The following RPL19 variants were observed in gnomAD, a reference collection of about 807,000 sequenced individuals.
RPL19 encodes ribosomal protein L19, also known as large ribosomal subunit protein eL19.
RPL19 carries 2 observed loss-of-function variants against 25.1 expected under a neutral mutation model. The observed-to-expected ratio is 0.08, with a 90% confidence interval of 0.03 to 0.25. The LOEUF (loss-of-function observed/expected upper bound fraction) is 0.25, where lower values mean the gene tolerates loss of function less well. Ranked by LOEUF, RPL19 falls within the 10% of genes least tolerant of loss-of-function variation. The pLI is 1.00. For missense variants in RPL19, 123 were observed against 271.8 expected (o/e 0.45, Z 3.85); for synonymous variants, 89 against 91.2 (o/e 0.98, Z 0.14).
chr17:39,202,546 C>T (rs1019665663), intron 3 of RPL19, 107 bp downstream of exon 3: 6 of 1,383,946 alleles, frequency 4.3e-6, no homozygotes, highest in African/African-American at 1.4e-5. Flanking sequence ...TTTCTTACTC[C>T]TTGATATTTG....
At chr17:39,201,144 C>A in intron 1 of RPL19, 69 bp from the exon 2 acceptor site, 1 of 1,029,668 alleles carries the variant, frequency 9.7e-7, no homozygotes, top group South Asian at 1.3e-5. Flanking sequence ...AAGGGCAGGT[C>A]TTGATGGGGA....
intron 3 of RPL19, chr17:39,202,650 C>T (rs1000091001): frequency 4.8e-6 from 3 of 628,768 alleles, no homozygotes; most frequent in African/African-American, 1.8e-5. Context: ...TAAGTCCCTA[C>T]CTACACTATG....
rs1555590483 is a variant in RPL19, at chr17:39,204,507, T to A, written c.468-18T>A. Reference sequence around the variant, plus strand: ...CATCTCTTCCCAAACTGACCCGTCTTTTCTCTTCCCTGACCAGTGACCAGG... The same window carrying A: ...CATCTCTTCCCAAACTGACCCGTCTATTCTCTTCCCTGACCAGTGACCAGG... On this transcript the variant is annotated intron_variant, in intron 5 of 5. Transcript: ENST00000225430. 6.2e-7 allele frequency: 1 copy of A among 1,613,818 alleles called. No individual in the cohort carries two copies. Among genetic ancestry groups the A allele is most frequent in the Non-Finnish European group, 8.5e-7 (1 of 1,179,848 alleles).
rs1390079990 is a variant in RPL19 at position 39,202,868 on chromosome 17, T to A, written c.236-121T>A. The stretch of plus-strand genomic sequence containing the variant: ...ATCTGGAAAATGGAAGTAATGCTAC[T>A]TAAAATGAGGTTGTGAGGATTAAAT... On this transcript the variant is annotated intron_variant, in intron 3 of 5. Coordinates refer to ENST00000225430, the MANE Select transcript of RPL19 (RefSeq NM_000981.4). 140 of 1,114,066 alleles carry A rather than the reference T, an allele frequency of 1.3e-4. 4 individuals are homozygous for A. In the South Asian group the frequency reaches 2.0e-3, roughly 16 times the overall value. The allele number at this position is 1,114,066 out of a possible 1,614,324, so 69.0% of individuals were successfully genotyped here. A position where few individuals can be genotyped will look rare whatever the true frequency, so the allele number is the denominator to read the frequency against.
chr17:39,202,632 A>C, intron 3 of RPL19, 193 bp downstream of exon 3: 1 of 673,812 alleles, frequency 1.5e-6, no homozygotes, highest in Non-Finnish European at 2.5e-6. Context: ...GTAGGAGGTC[A>C]CATTTACTAA....
intron 5 of RPL19, 53 bp from the exon 6 acceptor site, chr17:39,204,472 C>T (rs963675800): frequency 4.2e-5 from 67 of 1,606,798 alleles, no homozygotes; most frequent in Non-Finnish European, 5.4e-5. Context: ...CTTCTGTCTC[C>T]CTAGCATCTC....
chr17:39,204,548 C>G lies in RPL19; in HGVS notation c.491C>G (p.Ser164Cys). Reference protein sequence around the residue: ...LLADQAEARRSKTKEARKRRE... With the variant: ...LLADQAEARRCKTKEARKRRE... ...AGTGACCAGGCTGAGGCCCGCAGGTCTAAGACCAAGGAAGCACGCAAGCGC... is the reference window on the plus strand; with the variant it reads ...AGTGACCAGGCTGAGGCCCGCAGGTGTAAGACCAAGGAAGCACGCAAGCGC... Residue 164 changes from serine (S) to cysteine (C), a missense_variant, in exon 6 of 6, where the codon TCT becomes TGT. Ser to Cys is a moderately radical substitution (Grantham distance 112). Coordinates refer to ENST00000225430, the MANE Select transcript of RPL19 (RefSeq NM_000981.4). 1 of 1,614,160 alleles carries G rather than the reference C, an allele frequency of 6.2e-7. No individual in the cohort carries two copies. Among genetic ancestry groups the G allele is most frequent in the African/African-American group, 1.3e-5 (1 of 75,068 alleles).
Position 39,203,121 on chromosome 17 carries a change from C to G in RPL19, c.356+12C>G. ...ATCGATCGCCACATGTAAGCACACC[C>G]TCTTGGGCCCAGTACCCATTTGCTG... On this transcript the variant is annotated intron_variant, in intron 4 of 5. Coordinates refer to ENST00000225430, the MANE Select transcript of RPL19 (RefSeq NM_000981.4). The G allele has an allele frequency of 6.2e-7, 1 of 1,611,360 alleles. No homozygotes were observed. The highest frequency in any genetic ancestry group is 8.5e-7 in the Non-Finnish European group (1 of 1,178,710).
Position 39,202,192 on chromosome 17 carries a change from A to C in RPL19, c.113-125A>C, listed in dbSNP as rs114754003. The C allele has an allele frequency of 8.9e-4, 1,046 of 1,180,392 alleles. 3 individuals are homozygous for C. In the African/African-American group the frequency reaches 0.013, roughly 15 times the overall value. 73.1% of individuals were successfully genotyped at this position (1,180,392 alleles called of 1,614,324 possible). A position where few individuals can be genotyped will look rare whatever the true frequency, so the allele number is the denominator to read the frequency against. ...TTTTTGAAGGCAAGAAATAAGTTCC[A>C]GTGTTTCCATCCTTTTTGAGACCGT... is the stretch of plus-strand genomic sequence containing the variant. On this transcript the variant is annotated intron_variant, in intron 2 of 5. Coordinates refer to ENST00000225430, the MANE Select transcript of RPL19 (RefSeq NM_000981.4).
chr17:39,203,600 C>T (rs960003748), intron 4 of RPL19, among the ~76,000 whole-genome samples: 1 of 151,728 alleles, frequency 6.6e-6, no homozygotes, highest in Non-Finnish European at 1.5e-5. Flanking sequence ...AATCTGCTTT[C>T]GAGGTTCAAG....
intron 3 of RPL19, 34 bp from the exon 4 acceptor site, chr17:39,202,955 G>T: frequency 6.2e-7 from 1 of 1,613,252 alleles, no homozygotes; most frequent in Non-Finnish European, 8.5e-7. Flanking sequence ...GTGGGCCTGG[G>T]TAGTGGCCCG....
chr17:39,200,701 G>C (rs1406100248), intron 1 of RPL19: 25 of 1,093,690 alleles, frequency 2.3e-5, no homozygotes, highest in Non-Finnish European at 2.5e-5. Flanking sequence ...CGTGATGTAG[G>C]GCAAGCCTAG....
intron 1 of RPL19, among the ~76,000 whole-genome samples, chr17:39,200,916 T>A (rs1315775846): frequency 2.0e-5 from 3 of 152,192 alleles, no homozygotes; most frequent in African/African-American, 7.2e-5. Context: ...TCGAATATTC[T>A]TTAAACGCTG....
intron 1 of RPL19, chr17:39,200,583 A>G: frequency 7.9e-7 from 1 of 1,268,618 alleles, no homozygotes; most frequent in Non-Finnish European, 1.0e-6. Context: ...GCCGCACCGC[A>G]CACGTGTCCG....
intron 1 of RPL19, 22 bp from the exon 2 acceptor site, chr17:39,201,191 A>T (rs1567821281): frequency 6.5e-7 from 1 of 1,538,332 alleles, no homozygotes; most frequent in Non-Finnish European, 9.0e-7. Context: ...TCAGAGTCTA[A>T]TCATGTTTTC....
intron 5 of RPL19, 106 bp downstream of exon 5, chr17:39,204,293 GTCTT>G: frequency 1.2e-6 from 1 of 859,334 alleles, no homozygotes; most frequent in East Asian, 2.6e-5. Context: ...CACGTAGTCT[GTCTT>G]AGGAATACAG....
At chr17:39,200,535 G>A in intron 1 of RPL19, 186 bp downstream of exon 1, 1 of 1,300,160 alleles carries the variant, frequency 7.7e-7, no homozygotes. Flanking sequence ...GGGGAGCGTC[G>A]CAGCAACTGA....
intron 1 of RPL19, 26 bp downstream of exon 1, chr17:39,200,375 G>A (rs751983183): frequency 1.2e-5 from 19 of 1,555,834 alleles, no homozygotes; most frequent in African/African-American, 4.1e-5. Context: ...TCTCCATCAG[G>A]CGCTGACGCG....
Position 39,204,535 on chromosome 17 carries a change from G to A in RPL19, c.478G>A (p.Glu160Lys). ...ARKKLLADQA[E>K]ARRSKTKEAR... ...CTCTTCCCTGACCAGTGACCAGGCT[G>A]AGGCCCGCAGGTCTAAGACCAAGGA... The change falls in exon 6 of 6, where the codon GAG (glutamate) becomes AAG (lysine). Residue 160 changes from glutamate (E) to lysine (K), a missense_variant. Coordinates refer to ENST00000225430, the MANE Select transcript of RPL19 (RefSeq NM_000981.4). The A allele has an allele frequency of 6.2e-7, 1 of 1,614,166 alleles. No homozygotes were observed. Among genetic ancestry groups the A allele is most frequent in the Non-Finnish European group, 8.5e-7 (1 of 1,180,020 alleles).
Sources: gnomAD v4.1 joint callset for allele counts (sites outside exome capture counted in the v4.1 genomes callset) on GRCh38, gnomAD v4.1.1 for gene constraint, MANE v1.5 for transcripts, NCBI Gene and HGNC (gene_info 2026-07-23, HGNC 2026-07-21) for gene names.